The following RBM20 variants were observed in gnomAD, a reference collection of about 807,000 sequenced individuals.
The protein encoded by RBM20 is RNA binding motif protein 20.
In RBM20, 51 loss-of-function variants were observed where a neutral mutation model predicts 110.1. The observed-to-expected ratio is 0.46, with a 90% CI of 0.37 to 0.59. RBM20 has a LOEUF of 0.59. RBM20 is among the 20% of genes least tolerant of loss of function. RBM20 has a pLI of 0.00. For synonymous variants in RBM20, 589 were observed against 618.2 expected, an observed-to-expected ratio of 0.95 and a Z score of 0.70; for missense variants, 1,512 against 1,574.9, an observed-to-expected ratio of 0.96 and a Z score of 0.68.
chr10:110,767,621 C>A (rs1288899404), intron 1 of RBM20, among the ~76,000 whole-genome samples: 1 of 150,946 alleles, frequency 6.6e-6, no homozygotes, highest in Admixed American at 6.6e-5. Context: ...ACGGGGCGGA[C>A]GGGCAGAGAC....
chr10:110,799,819 A>G lies in RBM20; in HGVS notation c.1701A>G (p.Ala567=), dbSNP rs557873670. The change falls in exon 7 of 14, where the codon GCA becomes GCG. Residue 567 remains alanine (A), a synonymous_variant. Transcript: ENST00000369519. The part of the protein sequence containing the change: ...AFLEMAYTEA[A]QAMVQYYQEK... ...TAGAGATGGCTTACACAGAAGCTGC[A>G]CAGGCCATGGTCCAGTATTATCAAG... 3.0e-5 allele frequency: 47 copies of G among 1,551,706 alleles called. No individual in the cohort carries two copies. Among genetic ancestry groups the G allele is most frequent in the Non-Finnish European group, 3.9e-5 (45 of 1,146,840 alleles).
Position 110,823,550 on chromosome 10 carries a change from A to G in RBM20, c.3387A>G (p.Lys1129=). 1 of 1,549,826 alleles carries G rather than the reference A, an allele frequency of 6.5e-7. No individual in the cohort carries two copies. Among genetic ancestry groups the G allele is most frequent in the Non-Finnish European group, 8.7e-7 (1 of 1,146,656 alleles). The stretch of plus-strand genomic sequence containing the variant: ...CAGAGTACACTGAAGTGGAACTGAA[A>G]CAGCCCCTTTCTTTGCCCTCTTGGG... ...RSPEYTEVEL[K]QPLSLPSWEP... The change falls in exon 12 of 14, where the codon AAA becomes AAG. Residue 1129 remains lysine, a synonymous_variant. Transcript: ENST00000369519.
chr10:110,777,525 G>C (rs1043536307), intron 1 of RBM20, among the ~76,000 whole-genome samples: 3 of 152,206 alleles, frequency 2.0e-5, no homozygotes, highest in African/African-American at 7.2e-5. Context: ...GTTGACTAAA[G>C]TTGGGAATGA....
intron 2 of RBM20, among the ~76,000 whole-genome samples, chr10:110,782,884 C>T (rs1278090882): frequency 6.6e-6 from 1 of 152,202 alleles, no homozygotes; most frequent in African/African-American, 2.4e-5. Context: ...TGCCCTCTGA[C>T]CTCTAGTCTT....
At chr10:110,707,091 C>G (rs1438105491) in intron 1 of RBM20, among the ~76,000 whole-genome samples, 1 of 152,120 alleles carries the variant, frequency 6.6e-6, no homozygotes, top group Non-Finnish European at 1.5e-5. Flanking sequence ...TAATTTTGTA[C>G]AGTTTAATCT....
chr10:110,661,776 G>A (rs1424727694), intron 1 of RBM20, among the ~76,000 whole-genome samples: 2 of 152,152 alleles, frequency 1.3e-5, no homozygotes, highest in African/African-American at 2.4e-5. Context: ...TTGGGAGGCC[G>A]AGGTGGGTGG....
At chr10:110,803,714 AGTAATGCATG>A (rs1478008798) in intron 7 of RBM20, among the ~76,000 whole-genome samples, 1 of 145,458 alleles carries the variant, frequency 6.9e-6, no homozygotes, top group Non-Finnish European at 1.5e-5. Flanking sequence ...TCAACTACAT[AGTAATGCATG>A]CTTTATGGTC....
In RBM20 at chr10:110,821,480, A is replaced by G; in HGVS notation, c.2861A>G (p.Asp954Gly). 1 of 1,551,876 alleles carries G rather than the reference A, an allele frequency of 6.4e-7. No individual in the cohort carries two copies. Among genetic ancestry groups the G allele is most frequent in the Non-Finnish European group, 8.7e-7 (1 of 1,147,028 alleles). ...TGTCTGTGTGTGACAACCACCTTAGACTTAGACCTGGCCCAGGATTTCCCC... is the reference window on the plus strand; with the variant it reads ...TGTCTGTGTGTGACAACCACCTTAGGCTTAGACCTGGCCCAGGATTTCCCC... The part of the protein sequence containing the change: ...ETCLCVTTTL[D>G]LDLAQDFPKE... Residue 954 changes from aspartate (D) to glycine (G), a missense_variant, in exon 11 of 14, where the codon GAC (aspartate) becomes GGC (glycine). Around this residue, in one of 3 missense-constraint regions of RBM20, gnomAD observed 358 missense variants for 384.2 expected, o/e 0.93. Transcript: ENST00000369519.
At chr10:110,782,141 G>C (rs1244035493) in intron 2 of RBM20, among the ~76,000 whole-genome samples, 1 of 152,222 alleles carries the variant, frequency 6.6e-6, no homozygotes, top group Non-Finnish European at 1.5e-5. Flanking sequence ...AGGCTGAGTA[G>C]GGGAGCAAAG....
intron 6 of RBM20, 122 bp downstream of exon 6, chr10:110,797,770 C>T (rs1216943351): frequency 1.9e-6 from 2 of 1,042,874 alleles, no homozygotes; most frequent in South Asian, 3.2e-5. Flanking sequence ...AGCTGGCCTT[C>T]TGTTGGCATG....
At chr10:110,698,359 G>A (rs983081959) in intron 1 of RBM20, among the ~76,000 whole-genome samples, 2 of 152,316 alleles carry the variant, frequency 1.3e-5, no homozygotes, top group Middle Eastern at 6.8e-3. Context: ...GGGAGCACCG[G>A]AAAAAGAGGC....
rs967312621 is a variant in RBM20, at chr10:110,780,997, T to A, written c.388T>A (p.Ser130Thr). ...LNQVLSKVAMSQPLFNQLRHP... is the reference protein window; with the variant it reads ...LNQVLSKVAMTQPLFNQLRHP... ...CCAAGTCCTCTCCAAAGTGGCCATGTCCCAGCCTCTCTTCAATCAACTGAG... is the reference window on the plus strand; with the variant it reads ...CCAAGTCCTCTCCAAAGTGGCCATGACCCAGCCTCTCTTCAATCAACTGAG... The change falls in exon 2 of 14, where the codon TCC becomes ACC. Residue 130 changes from serine (S) to threonine (T), a missense_variant. By Grantham distance (58) the Ser-to-Thr change is moderately conservative. Coordinates refer to ENST00000369519, the MANE Select transcript of RBM20 (RefSeq NM_001134363.3). The A allele has an allele frequency of 6.4e-7, 1 of 1,551,704 alleles. No homozygotes were observed. Among genetic ancestry groups the A allele is most frequent in the Non-Finnish European group, 8.7e-7 (1 of 1,146,998 alleles).
At chr10:110,793,425 C>G (rs1389900728) in intron 5 of RBM20, among the ~76,000 whole-genome samples, 1 of 152,188 alleles carries the variant, frequency 6.6e-6, no homozygotes. Flanking sequence ...ACCAATTAGA[C>G]TTTCTGATTA....
At position 110,686,507 on chromosome 10, in the gene RBM20, C is replaced by T. The variant is rs146477139; in HGVS notation, c.191+41862C>T. On this transcript the variant is annotated intron_variant, in intron 1 of 13. Coordinates refer to ENST00000369519, the MANE Select transcript of RBM20 (RefSeq NM_001134363.3). ...ACACATGGTAGCGCACGCCTGTAGT[C>T]CCAGCTACTTGGGAGGCTGAGACGG... Among the ~76,000 whole-genome samples, 346 of 152,184 alleles carry T rather than the reference C, an allele frequency of 2.3e-3. 2 individuals are homozygous for T. The highest frequency in any genetic ancestry group is 7.9e-3 in the African/African-American group (330 of 41,522).
rs1311960267 is a variant in RBM20 at position 110,838,599 on chromosome 10, A to G, written c.*2621A>G. 6.6e-6 allele frequency: 1 copy of G among 152,172 alleles called. No homozygotes were observed. The highest frequency in any genetic ancestry group is 1.5e-5 in the Non-Finnish European group (1 of 68,032). 9.4% of individuals were successfully genotyped at this position (152,172 alleles called of 1,614,324 possible). On this transcript the variant is annotated 3_prime_UTR_variant, in exon 14 of 14. Transcript: ENST00000369519. ...GAGACTGGACACTTTATCCCCTAGC[A>G]AAGTGGGAGAAGATTTTACCAGCTC...
rs1228663935 is a variant in RBM20, at chr10:110,781,484, T to G, written c.875T>G (p.Val292Gly). The G allele has an allele frequency of 6.4e-7, 1 of 1,551,580 alleles. No individual in the cohort carries two copies. The highest frequency in any genetic ancestry group is 2.4e-5 in the East Asian group (1 of 40,926). ...GGACCCAACTCCCAAGGTTCACATGTGGCCAGCGGATTTCCAGCTGAGCAG... is the reference window on the plus strand; with the variant it reads ...GGACCCAACTCCCAAGGTTCACATGGGGCCAGCGGATTTCCAGCTGAGCAG... The part of the protein sequence containing the change: ...FYGPNSQGSH[V>G]ASGFPAEQAG... The change falls in exon 2 of 14, where the codon GTG becomes GGG. Residue 292 changes from valine to glycine, a missense_variant. This residue lies in a region of RBM20 where 1,149 missense variants were observed against 1,169.4 expected (regional missense o/e 0.98). Transcript: ENST00000369519.
At chr10:110,689,886 G>C (rs1862562385) in intron 1 of RBM20, among the ~76,000 whole-genome samples, 1 of 152,174 alleles carries the variant, frequency 6.6e-6, no homozygotes, top group Admixed American at 6.5e-5. Context: ...CATATATTTA[G>C]ATGGGCTTTT....
chr10:110,830,505 C>T (rs542360337), intron 12 of RBM20, among the ~76,000 whole-genome samples: 5 of 152,184 alleles, frequency 3.3e-5, no homozygotes, highest in African/African-American at 1.2e-4. Flanking sequence ...AATGGCCCCC[C>T]CAAAAGAGGC....
chr10:110,752,732 A>T (rs573597165), intron 1 of RBM20, among the ~76,000 whole-genome samples: 1 of 152,168 alleles, frequency 6.6e-6, no homozygotes, highest in South Asian at 2.1e-4. Flanking sequence ...CACTGGGTCA[A>T]TAAATGGGAT....
Sources: allele counts gnomAD v4.1 joint callset (sites outside exome capture counted in the v4.1 genomes callset), GRCh38; gene constraint gnomAD v4.1.1; regional missense constraint gnomAD v4.1.1; transcripts MANE v1.5; gene names NCBI Gene and HGNC (gene_info 2026-07-23, HGNC 2026-07-21).